Variants in LARP4B observed in about 807,000 individuals in gnomAD.
LARP4B encodes La ribonucleoprotein 4B.
LARP4B carries 12 observed loss-of-function variants against 89.8 expected under a neutral mutation model. The ratio of observed to expected loss-of-function variants is 0.13; its 90% CI spans 0.09 to 0.22. The LOEUF (loss-of-function observed/expected upper bound fraction) is 0.22. LARP4B is among the 10% of genes least tolerant of loss of function. The pLI is 1.00. For missense variants in LARP4B, 757 were observed against 947.7 expected (o/e 0.80, Z 2.64); for synonymous variants, 367 against 363.3 (o/e 1.01, Z -0.12).
Position 909,542 on chromosome 10 carries a change from T to C in LARP4B, c.-40+21886A>G, listed in dbSNP as rs150704696. Reference sequence around the variant, plus strand: ...GCTCATGCCTGTAATCCTGGCACTTTGGGGGGCCAAGGCAGGTGGATCACC... The same window carrying C: ...GCTCATGCCTGTAATCCTGGCACTTCGGGGGGCCAAGGCAGGTGGATCACC... On this transcript the variant is annotated intron_variant, in intron 1 of 17. Coordinates refer to ENST00000316157, the MANE Select transcript of LARP4B (RefSeq NM_015155.3). Among the ~76,000 whole-genome samples the C allele has an allele frequency of 4.2e-3, 637 of 152,126 alleles. 9 individuals carry two copies. The highest frequency in any genetic ancestry group is 0.015 in the African/African-American group (621 of 41,468).
At chr10:861,322 C>A (rs11253475) in intron 5 of LARP4B, among the ~76,000 whole-genome samples, 24,284 of 152,028 alleles carry the variant, frequency 0.16, 2,108 homozygotes, top group Non-Finnish European at 0.19. Context: ...AGAGGCAACA[C>A]ATTAATAATG....
chr10:969,871 C>A, the LARP4B span, among the ~76,000 whole-genome samples: 1 of 152,180 alleles, frequency 6.6e-6, no homozygotes, highest in African/African-American at 2.4e-5. Flanking sequence ...GACGGGAGTT[C>A]GTGACCTGCA....
At chr10:934,596 A>G (rs1346581757), upstream of LARP4B, among the ~76,000 whole-genome samples, 1 of 151,996 alleles carries the variant, frequency 6.6e-6, no homozygotes, top group Admixed American at 6.6e-5. Flanking sequence ...TTGTTCCCTC[A>G]TGATCTTCTT....
the LARP4B span, among the ~76,000 whole-genome samples, chr10:976,150 GTCGCGTAAGGTGCGGCCCGCC>G: frequency 6.9e-6 from 1 of 145,866 alleles, no homozygotes; most frequent in Non-Finnish European, 1.5e-5. Flanking sequence ...AGGTAGGCCT[GTCGCGTAAGGTGCGGCCCGCC>G]CTAGTAGAAG....
At chr10:878,270 C>A (rs1048924233) in intron 3 of LARP4B, among the ~76,000 whole-genome samples, 1 of 152,058 alleles carries the variant, frequency 6.6e-6, no homozygotes, top group African/African-American at 2.4e-5. Context: ...TTGGCCTTCT[C>A]GAAGGGATCC....
intron 8 of LARP4B, among the ~76,000 whole-genome samples, chr10:833,634 G>A (rs577781360): frequency 6.6e-6 from 1 of 152,346 alleles, no homozygotes; most frequent in East Asian, 1.9e-4. Context: ...GCTCACGCCT[G>A]TAATCCCAGC....
At chr10:833,563 C>T (rs1833040816) in intron 8 of LARP4B, among the ~76,000 whole-genome samples, 2 of 152,062 alleles carry the variant, frequency 1.3e-5, no homozygotes, top group South Asian at 4.1e-4. Flanking sequence ...CATCATTAAC[C>T]TCTTAAATGT....
At chr10:982,779 T>C in the LARP4B span, among the ~76,000 whole-genome samples, 1 of 152,226 alleles carries the variant, frequency 6.6e-6, no homozygotes, top group African/African-American at 2.4e-5. Flanking sequence ...AAAAAAGTGG[T>C]CTGCATTAAT....
intron 1 of LARP4B, among the ~76,000 whole-genome samples, chr10:894,275 A>G (rs1173788798): frequency 6.6e-6 from 1 of 152,142 alleles, no homozygotes; most frequent in Non-Finnish European, 1.5e-5. Flanking sequence ...ATTTAATCAT[A>G]CCTCTAGATC....
At chr10:906,113 ATTAT>A (rs1273406845) in intron 1 of LARP4B, among the ~76,000 whole-genome samples, 1 of 152,226 alleles carries the variant, frequency 6.6e-6, no homozygotes, top group Non-Finnish European at 1.5e-5. Flanking sequence ...TCAATTAGAT[ATTAT>A]TTCTTTCCCA....
At chr10:862,410 G>A (rs746785305) in intron 5 of LARP4B, among the ~76,000 whole-genome samples, 1 of 152,068 alleles carries the variant, frequency 6.6e-6, no homozygotes, top group East Asian at 1.9e-4. Flanking sequence ...CTCCAGCCCT[G>A]CCCAGTGCAT....
intron 1 of LARP4B, among the ~76,000 whole-genome samples, chr10:896,181 G>A (rs1836184289): frequency 6.6e-6 from 1 of 152,236 alleles, no homozygotes; most frequent in Non-Finnish European, 1.5e-5. Flanking sequence ...GGTTCTCAAT[G>A]TGTGGTGTAG....
At chr10:897,256 T>C (rs1363670140) in intron 1 of LARP4B, among the ~76,000 whole-genome samples, 1 of 152,158 alleles carries the variant, frequency 6.6e-6, no homozygotes, top group East Asian at 1.9e-4. Flanking sequence ...TCCACAAAGG[T>C]GTCAAGACCA....
At chr10:923,238 A>G (rs1167485276) in intron 1 of LARP4B, among the ~76,000 whole-genome samples, 1 of 152,200 alleles carries the variant, frequency 6.6e-6, no homozygotes, top group Non-Finnish European at 1.5e-5. Flanking sequence ...TCATCCTTTC[A>G]AATGTCTAGA....
At chr10:909,613 CG>C (rs989470926) in intron 1 of LARP4B, among the ~76,000 whole-genome samples, 11 of 151,580 alleles carry the variant, frequency 7.3e-5, no homozygotes, top group African/African-American at 2.7e-4. Context: ...GGTGAAACCT[CG>C]TCTCTACTAA....
At chr10:926,864 C>T (rs1265777219) in intron 1 of LARP4B, among the ~76,000 whole-genome samples, 1 of 152,096 alleles carries the variant, frequency 6.6e-6, no homozygotes, top group Non-Finnish European at 1.5e-5. Context: ...CAGTGAAACC[C>T]AATTTGTACT....
chr10:893,873 G>A (rs570827116), intron 1 of LARP4B, among the ~76,000 whole-genome samples: 2 of 152,248 alleles, frequency 1.3e-5, no homozygotes, highest in African/African-American at 2.4e-5. Flanking sequence ...CACCACCACA[G>A]TGCTCGCCTT....
intron 8 of LARP4B, among the ~76,000 whole-genome samples, chr10:832,022 ATTG>A (rs1183338851): frequency 2.6e-5 from 4 of 152,104 alleles, no homozygotes; most frequent in Non-Finnish European, 5.9e-5. Context: ...TATATGGAAG[ATTG>A]TTTTTATTTT....
rs2275677 is a variant in LARP4B at position 836,702 on chromosome 10, A to G, written c.647-196T>C. Among the ~76,000 whole-genome samples the G allele has an allele frequency of 5.7e-3, 873 of 152,362 alleles. 19 individuals are homozygous for G. The East Asian group carries it at 0.058, about 10-fold the overall frequency. ...TAAAATCCTGCAGGAGCCATAATGTATGTAACACTATGAAACAAAGGTTCT... is the reference window on the plus strand; with the variant it reads ...TAAAATCCTGCAGGAGCCATAATGTGTGTAACACTATGAAACAAAGGTTCT... On this transcript the variant is annotated intron_variant, in intron 7 of 17. Coordinates refer to ENST00000316157, the MANE Select transcript of LARP4B (RefSeq NM_015155.3).
Sources: gnomAD v4.1 joint callset for allele counts (sites outside exome capture counted in the v4.1 genomes callset) on GRCh38, gnomAD v4.1.1 for gene constraint, MANE v1.5 for transcripts, NCBI Gene and HGNC (gene_info 2026-07-23, HGNC 2026-07-21) for gene names.